KCNJ6: variants seen among roughly 807,000 people sequenced by gnomAD.
KCNJ6 encodes potassium inwardly rectifying channel subfamily J member 6.
A neutral mutation model predicts 34.2 loss-of-function variants in KCNJ6; 9 were observed. The observed-to-expected ratio is 0.26, with a 90% CI of 0.16 to 0.46. KCNJ6 has a LOEUF of 0.46. Among genes scored for constraint, KCNJ6 ranks in the 20% least tolerant of loss-of-function variants. KCNJ6 has a pLI of 1.00. For synonymous variants in KCNJ6, 196 were observed against 207.1 expected, an observed-to-expected ratio of 0.95 and a Z score of 0.46; for missense variants, 236 against 531.3, an observed-to-expected ratio of 0.44 and a Z score of 5.46.
chr21:37,782,436 A>G (rs1488550965), intron 2 of KCNJ6, among the ~76,000 whole-genome samples: 1 of 152,134 alleles, frequency 6.6e-6, no homozygotes, highest in Non-Finnish European at 1.5e-5. Context: ...AATGCTTACC[A>G]CCTGCAAACC....
At chr21:37,676,151 C>A (rs1281397462) in intron 3 of KCNJ6, among the ~76,000 whole-genome samples, 1 of 152,102 alleles carries the variant, frequency 6.6e-6, no homozygotes, top group African/African-American at 2.4e-5. Flanking sequence ...GGGGACTGAC[C>A]TTTGGCACAG....
intron 2 of KCNJ6, among the ~76,000 whole-genome samples, chr21:37,840,375 G>C (rs1245884248): frequency 6.6e-6 from 1 of 152,184 alleles, no homozygotes; most frequent in Non-Finnish European, 1.5e-5. Flanking sequence ...AAATTATTGT[G>C]AGTCCCAATC....
At chr21:37,663,917 C>T (rs1160722448) in intron 3 of KCNJ6, among the ~76,000 whole-genome samples, 1 of 152,210 alleles carries the variant, frequency 6.6e-6, no homozygotes, top group Non-Finnish European at 1.5e-5. Context: ...GCTGGCCTTG[C>T]ATTCTTTTTA....
At chr21:37,791,652 C>T (rs915308849) in intron 2 of KCNJ6, among the ~76,000 whole-genome samples, 12 of 152,264 alleles carry the variant, frequency 7.9e-5, no homozygotes, top group Admixed American at 2.6e-4. Context: ...GTTTTCTTGA[C>T]GGGAGATTTT....
intron 2 of KCNJ6, among the ~76,000 whole-genome samples, chr21:37,774,362 AT>A (rs2055131832): frequency 6.6e-6 from 1 of 150,532 alleles, no homozygotes; most frequent in Non-Finnish European, 1.5e-5. Flanking sequence ...TTTTTTTTTT[AT>A]TATACTTTAA....
At position 37,608,602 on chromosome 21, in the gene KCNJ6, G is replaced by C. The variant is rs774333075; in HGVS notation, c.*16557C>G. On this transcript the variant is annotated 3_prime_UTR_variant, in exon 4 of 4. Coordinates refer to ENST00000609713, the MANE Select transcript of KCNJ6 (RefSeq NM_002240.5). ...ACATTCCAGCAAATTTGTTGTGCCT[G>C]TCCCTCTTCGTTTAGGTATTTCTAA... 3.9e-5 allele frequency: 6 copies of C among 152,246 alleles called. No homozygotes were observed. The highest frequency in any genetic ancestry group is 7.3e-5 in the Non-Finnish European group (5 of 68,042). 9.4% of individuals were successfully genotyped at this position (152,246 alleles called of 1,614,324 possible).
chr21:37,776,771 TG>T (rs2055144612), intron 2 of KCNJ6, among the ~76,000 whole-genome samples: 6 of 152,328 alleles, frequency 3.9e-5, no homozygotes, highest in African/African-American at 1.4e-4. Flanking sequence ...TGAGGATTTT[TG>T]TATCGATGTT....
chr21:37,872,598 A>T lies in KCNJ6; in HGVS notation c.-27-31889T>A, dbSNP rs896808198. On this transcript the variant is annotated intron_variant, in intron 1 of 3. Transcript: ENST00000609713. ...CTTCTGATCATAACTTTGCTCCCTCAATCAATTTTTCTCCCAATAGTGATG... is the reference window on the plus strand; with the variant it reads ...CTTCTGATCATAACTTTGCTCCCTCTATCAATTTTTCTCCCAATAGTGATG... Among the ~76,000 whole-genome samples, 16 of 152,114 alleles carry T rather than the reference A, an allele frequency of 1.1e-4. 1 individual carries two copies. Among genetic ancestry groups the T allele is most frequent in the African/African-American group, 3.6e-4 (15 of 41,424 alleles).
In KCNJ6 at chr21:37,820,332, T is replaced by A. The variant is rs148241714; in HGVS notation, c.25+20326A>T. Among the ~76,000 whole-genome samples the A allele has an allele frequency of 2.8e-3, 432 of 152,306 alleles. 3 individuals are homozygous for A. The highest frequency in any genetic ancestry group is 1.0e-2 in the African/African-American group (415 of 41,542). On this transcript the variant is annotated intron_variant, in intron 2 of 3. Transcript: ENST00000609713. Reference sequence around the variant, plus strand: ...CTTTAAAACTGTATTCTGATTCTTTTTAATTGTTTCGGATTGATCTGTTGA... The same window carrying A: ...CTTTAAAACTGTATTCTGATTCTTTATAATTGTTTCGGATTGATCTGTTGA...
intron 2 of KCNJ6, among the ~76,000 whole-genome samples, chr21:37,747,981 G>C (rs890154670): frequency 6.6e-6 from 1 of 152,190 alleles, no homozygotes; most frequent in East Asian, 1.9e-4. Context: ...TGAGACCTTG[G>C]AGACCCAGTG....
In KCNJ6 at chr21:37,615,064, A is replaced by G. The variant is rs1186873411; in HGVS notation, c.*10095T>C. 6.6e-6 allele frequency: 1 copy of G among 152,114 alleles called. No homozygotes were observed. The highest frequency in any genetic ancestry group is 6.6e-5 in the Admixed American group (1 of 15,258). The allele number at this position is 152,114 out of a possible 1,614,324, so 9.4% of individuals were successfully genotyped here. On this transcript the variant is annotated 3_prime_UTR_variant, in exon 4 of 4. Transcript: ENST00000609713. ...AGAAATTCTTACAGTGCAGTTGTCG[A>G]GATTGCGGAAAGTTCTCATCTACCC...
intron 2 of KCNJ6, among the ~76,000 whole-genome samples, chr21:37,802,072 G>A (rs925616535): frequency 6.6e-6 from 1 of 152,166 alleles, no homozygotes; most frequent in Admixed American, 6.5e-5. Flanking sequence ...CACATTTAGG[G>A]CTTTGACATC....
chr21:37,716,079 A>G (rs115211920), intron 2 of KCNJ6, among the ~76,000 whole-genome samples: 2 of 152,320 alleles, frequency 1.3e-5, no homozygotes, highest in African/African-American at 4.8e-5. Flanking sequence ...CTTGCAATCA[A>G]TATTTTTTTG....
chr21:37,894,985 T>C (rs1376170286), intron 1 of KCNJ6, among the ~76,000 whole-genome samples: 1 of 152,196 alleles, frequency 6.6e-6, no homozygotes, highest in Non-Finnish European at 1.5e-5. Context: ...GTTGCCCAGA[T>C]TGGTCTCAAA....
rs1294228368 is a variant in KCNJ6, at chr21:37,615,647, G to C, written c.*9512C>G. 1.3e-5 allele frequency: 2 copies of C among 151,926 alleles called. No individual in the cohort carries two copies. The allele number at this position is 151,926 out of a possible 1,614,324, so 9.4% of individuals were successfully genotyped here. ...ATAGTATTCTGGAACTTTGCTCTGGGGGCAAAAATGAGTATTTCTGATTTG... is the reference window on the plus strand; with the variant it reads ...ATAGTATTCTGGAACTTTGCTCTGGCGGCAAAAATGAGTATTTCTGATTTG... On this transcript the variant is annotated 3_prime_UTR_variant, in exon 4 of 4. Coordinates refer to ENST00000609713, the MANE Select transcript of KCNJ6 (RefSeq NM_002240.5).
At chr21:37,651,280 G>C (rs551485434) in intron 3 of KCNJ6, among the ~76,000 whole-genome samples, 1 of 152,324 alleles carries the variant, frequency 6.6e-6, no homozygotes, top group Non-Finnish European at 1.5e-5. Flanking sequence ...TATGAGGTGA[G>C]GCTAAAGAGG....
At chr21:37,864,523 A>T (rs1307730459) in intron 1 of KCNJ6, among the ~76,000 whole-genome samples, 3 of 152,168 alleles carry the variant, frequency 2.0e-5, no homozygotes, top group Non-Finnish European at 4.4e-5. Flanking sequence ...GAGAGATGAA[A>T]CCTAGAGAGA....
chr21:37,873,770 G>A (rs1286383066), intron 1 of KCNJ6, among the ~76,000 whole-genome samples: 3 of 151,994 alleles, frequency 2.0e-5, no homozygotes, highest in Admixed American at 2.0e-4. Context: ...CCTTCACCAA[G>A]AAATCTGTCA....
Position 37,615,535 on chromosome 21 carries a change from G to C in KCNJ6, c.*9624C>G, listed in dbSNP as rs576425483. 1.8e-4 allele frequency: 28 copies of C among 152,244 alleles called. No homozygotes were observed. The highest frequency in any genetic ancestry group is 6.3e-4 in the African/African-American group (26 of 41,522). 9.4% of individuals were successfully genotyped at this position (152,244 alleles called of 1,614,324 possible). On this transcript the variant is annotated 3_prime_UTR_variant, in exon 4 of 4. Transcript: ENST00000609713. ...AAATTGAGCTCTGAAAGTTTCAGTGGTAAATTCCACTTTACCTTTTATGCC... is the reference window on the plus strand; with the variant it reads ...AAATTGAGCTCTGAAAGTTTCAGTGCTAAATTCCACTTTACCTTTTATGCC...
Sources: gnomAD v4.1 joint callset for allele counts (sites outside exome capture counted in the v4.1 genomes callset) on GRCh38, gnomAD v4.1.1 for gene constraint, MANE v1.5 for transcripts, NCBI Gene and HGNC (gene_info 2026-07-23, HGNC 2026-07-21) for gene names.